SAMD7: variants seen among roughly 807,000 people sequenced by gnomAD.
SAMD7 encodes sterile alpha motif domain containing 7.
In SAMD7, 34 loss-of-function variants were observed where a neutral mutation model predicts 36.7. That is an observed-to-expected ratio of 0.93 (90% confidence interval 0.71 to 1.23). The LOEUF (loss-of-function observed/expected upper bound fraction) is 1.23, where lower values mean the gene tolerates loss of function less well. Among genes scored for constraint, SAMD7 ranks in the 50% most tolerant of loss-of-function variants. The pLI is 0.00. For missense variants in SAMD7, 570 were observed against 546.6 expected (o/e 1.04, Z -0.43); for synonymous variants, 188 against 189.7 (o/e 0.99, Z 0.07).
At chr3:169,928,408 T>C in intron 6 of SAMD7, 49 bp from the exon 7 acceptor site, 1 of 1,534,698 alleles carries the variant, frequency 6.5e-7, no homozygotes, top group Non-Finnish European at 9.0e-7. Context: ...AATGTAACTA[T>C]ACATAAACCT....
chr3:169,927,282 T>TTTA, intron 6 of SAMD7, 101 bp downstream of exon 6: 4 of 604,244 alleles, frequency 6.6e-6, no homozygotes, highest in Non-Finnish European at 7.2e-6. Flanking sequence ...TCTTTTTATC[T>TTTA]TTCTTTTTTT....
chr3:169,928,264 G>T (rs984597823), intron 6 of SAMD7, among the ~76,000 whole-genome samples, 193 bp from the exon 7 acceptor site: 2 of 152,212 alleles, frequency 1.3e-5, no homozygotes, highest in Non-Finnish European at 2.9e-5. Context: ...AATGCTATCA[G>T]TAAAGATCTT....
chr3:169,913,266 C>T (rs558848685), intron 1 of SAMD7, among the ~76,000 whole-genome samples: 8 of 152,126 alleles, frequency 5.3e-5, no homozygotes, highest in East Asian at 3.9e-4. Context: ...ATTCTACATA[C>T]GATTAGTCAA....
At position 169,936,335 on chromosome 3, in the gene SAMD7, GA is replaced by G; in HGVS notation, c.1042-2del. ...CAGAGTTAACACCTTTTGTATTTATGAAGGTATTTAAAGATCATGCAATTGA... is the reference window on the plus strand; with the variant it reads ...CAGAGTTAACACCTTTTGTATTTATGAGGTATTTAAAGATCATGCAATTGA... On this transcript the variant is annotated splice_region_variant and splice_polypyrimidine_tract_variant and intron_variant, in intron 7 of 8. Coordinates refer to ENST00000335556, the MANE Select transcript of SAMD7 (RefSeq NM_001304366.2). 1 of 1,545,842 alleles carries G rather than the reference GA, an allele frequency of 6.5e-7. No homozygotes were observed. Among genetic ancestry groups the G allele is most frequent in the Non-Finnish European group, 8.9e-7 (1 of 1,119,424 alleles).
chr3:169,925,990 A>G (rs973778433), intron 5 of SAMD7, among the ~76,000 whole-genome samples: 1 of 152,218 alleles, frequency 6.6e-6, no homozygotes, highest in Non-Finnish European at 1.5e-5. Context: ...AAAGAAAAGT[A>G]TAACAATGAA....
At chr3:169,923,578 C>A (rs2108259687) in intron 4 of SAMD7, among the ~76,000 whole-genome samples, 1 of 152,210 alleles carries the variant, frequency 6.6e-6, no homozygotes, top group East Asian at 1.9e-4. Context: ...GCCGTCTCTA[C>A]TAAAAATATG....
In SAMD7 at chr3:169,938,376, A is replaced by T. The variant is rs761106889; in HGVS notation, c.1211A>T (p.Gln404Leu). ...YKKTLSFPIR[Q>L]AFDQPADTSP... is the part of the protein sequence containing the mutation. ...AAAACTCTTTCATTTCCTATAAGAC[A>T]AGCATTTGATCAACCAGCAGATACA... Residue 404 changes from glutamine to leucine, a missense_variant, in exon 9 of 9, where the codon CAA becomes CTA. Physicochemically the swap from Gln to Leu is moderately radical, Grantham distance 113. Coordinates refer to ENST00000335556, the MANE Select transcript of SAMD7 (RefSeq NM_001304366.2). 6.2e-7 allele frequency: 1 copy of T among 1,612,922 alleles called. No homozygotes were observed.
intron 4 of SAMD7, among the ~76,000 whole-genome samples, chr3:169,921,740 A>G (rs1369680711): frequency 6.6e-6 from 1 of 152,204 alleles, no homozygotes; most frequent in Non-Finnish European, 1.5e-5. Flanking sequence ...GGGTTTGAGC[A>G]AAAGAGCAAC....
intron 2 of SAMD7, among the ~76,000 whole-genome samples, chr3:169,918,505 T>TA (rs1352251938): frequency 6.6e-6 from 1 of 152,190 alleles, no homozygotes; most frequent in Non-Finnish European, 1.5e-5. Flanking sequence ...TTTTTATATT[T>TA]AAAATCATTC....
chr3:169,934,143 T>C (rs922310704), intron 7 of SAMD7, among the ~76,000 whole-genome samples: 1 of 152,056 alleles, frequency 6.6e-6, no homozygotes, highest in Non-Finnish European at 1.5e-5. Context: ...CAGTGAAGGA[T>C]TGTGGCTTTA....
intron 3 of SAMD7, among the ~76,000 whole-genome samples, chr3:169,920,694 T>G (rs1713007148): frequency 6.6e-6 from 1 of 152,216 alleles, no homozygotes; most frequent in Non-Finnish European, 1.5e-5. Flanking sequence ...TTGTTGTTGT[T>G]GTTTAGAATA....
chr3:169,933,114 C>T, intron 7 of SAMD7: 1 of 852,624 alleles, frequency 1.2e-6, no homozygotes, highest in Non-Finnish European at 2.0e-6. Context: ...GCTCTCTGAT[C>T]CTCGTCTGGA....
At chr3:169,931,771 G>A (rs765330380) in intron 7 of SAMD7, among the ~76,000 whole-genome samples, 27 of 152,208 alleles carry the variant, frequency 1.8e-4, no homozygotes, top group Admixed American at 7.2e-4. Context: ...GGCAGTGGCT[G>A]GGGTGATAAG....
At chr3:169,937,285 G>T (rs895822772) in intron 8 of SAMD7, among the ~76,000 whole-genome samples, 1 of 151,844 alleles carries the variant, frequency 6.6e-6, no homozygotes, top group East Asian at 1.9e-4. Context: ...AAGTTATGGG[G>T]TACATGTGCA....
At chr3:169,918,372 T>G (rs1422610499) in intron 2 of SAMD7, among the ~76,000 whole-genome samples, 1 of 152,184 alleles carries the variant, frequency 6.6e-6, no homozygotes, top group Non-Finnish European at 1.5e-5. Context: ...CCTTCCCCCT[T>G]CCACCCCACT....
intron 7 of SAMD7, among the ~76,000 whole-genome samples, chr3:169,934,658 C>T (rs150201080): frequency 2.0e-5 from 3 of 152,296 alleles, no homozygotes; most frequent in Non-Finnish European, 4.4e-5. Flanking sequence ...GAACTCAGTG[C>T]TGCCCAGTCA....
At chr3:169,936,054 C>T (rs1417882064) in intron 7 of SAMD7, among the ~76,000 whole-genome samples, 1 of 152,096 alleles carries the variant, frequency 6.6e-6, no homozygotes, top group Non-Finnish European at 1.5e-5. Context: ...ATTAGGGGTA[C>T]ATTGGTCAAA....
rs145201008 is a variant in SAMD7, at chr3:169,919,823, A to G, written c.86+239A>G. The stretch of plus-strand genomic sequence containing the variant: ...ATAATTAATGAGCACATACTATATG[A>G]CAGGCATTGTGCAGGTGCAAACACT... On this transcript the variant is annotated intron_variant, in intron 3 of 8. Transcript: ENST00000335556. Among the ~76,000 whole-genome samples the G allele has an allele frequency of 9.4e-3, 1,427 of 152,326 alleles. 28 individuals are homozygous for G. The highest frequency in any genetic ancestry group is 0.091 in the South Asian group (441 of 4,826).
intron 7 of SAMD7, among the ~76,000 whole-genome samples, chr3:169,935,523 TG>T (rs1336228484): frequency 1.2e-4 from 18 of 152,290 alleles, no homozygotes; most frequent in Admixed American, 3.3e-4. Flanking sequence ...TGTTTTGTTT[TG>T]TTTTTTTAGT....
Sources: gnomAD v4.1 joint callset for allele counts (sites outside exome capture counted in the v4.1 genomes callset) on GRCh38, gnomAD v4.1.1 for gene constraint, MANE v1.5 for transcripts, NCBI Gene and HGNC (gene_info 2026-07-23, HGNC 2026-07-21) for gene names.